The following ZNF521 variants were observed in gnomAD, a reference collection of about 807,000 sequenced individuals.
ZNF521 encodes LYST-interacting protein 3.
In ZNF521, 14 loss-of-function variants were observed where a neutral mutation model predicts 105.5. The ratio of observed to expected loss-of-function variants is 0.13; its 90% CI spans 0.09 to 0.21. ZNF521 has a LOEUF of 0.21. Among genes scored for constraint, ZNF521 ranks in the 10% least tolerant of loss-of-function variants. The probability of loss-of-function intolerance (pLI) is 1.00; values close to 1 mark genes in which losing one functional copy is unlikely to be tolerated. For synonymous variants in ZNF521, 635 were observed against 606.0 expected (o/e 1.05, Z -0.70); for missense variants, 1,233 against 1,629.7 (o/e 0.76, Z 4.19).
intron 5 of ZNF521, among the ~76,000 whole-genome samples, chr18:25,111,020 C>A (rs1049172685): frequency 3.3e-5 from 5 of 152,040 alleles, no homozygotes; most frequent in African/African-American, 9.7e-5. Flanking sequence ...TCCTCAGCCT[C>A]CCGAAGTGCT....
intron 5 of ZNF521, among the ~76,000 whole-genome samples, chr18:25,193,903 A>C (rs944228928): frequency 6.6e-6 from 1 of 151,928 alleles, no homozygotes; most frequent in African/African-American, 2.4e-5. Flanking sequence ...TTAGTCATTT[A>C]TAAGCAACAA....
At chr18:25,351,067 TCGCTCCGCGCTC>T (rs1914733789) in intron 1 of ZNF521, 120 bp from the exon 2 acceptor site, 2 of 614,980 alleles carry the variant, frequency 3.3e-6, no homozygotes, top group Non-Finnish European at 4.4e-6. Context: ...CCTCGCGCCC[TCGCTCCGCGCTC>T]CGCTCCTCGC....
At chr18:25,163,444 A>C (rs1338762045) in intron 5 of ZNF521, among the ~76,000 whole-genome samples, 1 of 152,164 alleles carries the variant, frequency 6.6e-6, no homozygotes, top group Non-Finnish European at 1.5e-5. Context: ...CCTTTTTAGC[A>C]CCGTGCTATT....
chr18:25,231,739 T>C (rs1343490987), intron 3 of ZNF521, among the ~76,000 whole-genome samples: 1 of 152,216 alleles, frequency 6.6e-6, no homozygotes, highest in Non-Finnish European at 1.5e-5. Flanking sequence ...TAGACTAATG[T>C]TAATGCTTAC....
chr18:25,147,588 T>G (rs1414901536), intron 5 of ZNF521, among the ~76,000 whole-genome samples: 1 of 152,172 alleles, frequency 6.6e-6, no homozygotes, highest in African/African-American at 2.4e-5. Flanking sequence ...CCAGACCAAT[T>G]TATTTAATAT....
chr18:25,105,624 T>C (rs2034057001), intron 5 of ZNF521, among the ~76,000 whole-genome samples: 1 of 152,176 alleles, frequency 6.6e-6, no homozygotes, highest in African/African-American at 2.4e-5. Context: ...TCTCAATTAA[T>C]CTGCTCAATA....
At chr18:25,210,081 A>T (rs2036151948) in intron 4 of ZNF521, among the ~76,000 whole-genome samples, 1 of 152,182 alleles carries the variant, frequency 6.6e-6, no homozygotes, top group African/African-American at 2.4e-5. Context: ...ATGTATACAT[A>T]ATACATACAT....
At chr18:25,345,352 C>G (rs1425937376) in intron 2 of ZNF521, 3 of 152,048 alleles carry the variant, frequency 2.0e-5, no homozygotes, top group African/African-American at 7.2e-5. Flanking sequence ...AATACTCTGG[C>G]AAAACAAAAA....
rs148466942 is a variant in ZNF521 at position 25,246,044 on chromosome 18, G to A, written c.221-18347C>T. On this transcript the variant is annotated intron_variant, in intron 3 of 7. Transcript: ENST00000361524. Reference sequence around the variant, plus strand: ...ACAGCCAAACATGCTAACCGATTGCGCCACAGGAACATCACACACAAGGGC... The same window carrying A: ...ACAGCCAAACATGCTAACCGATTGCACCACAGGAACATCACACACAAGGGC... 1.4e-3 allele frequency among the ~76,000 whole-genome samples: 209 copies of A among 151,914 alleles called. 8 individuals are homozygous for A. The East Asian group carries it at 0.025, about 18-fold the overall frequency.
chr18:25,091,742 A>C (rs1287647833), intron 6 of ZNF521, among the ~76,000 whole-genome samples: 2 of 152,220 alleles, frequency 1.3e-5, no homozygotes, highest in African/African-American at 4.8e-5. Flanking sequence ...GCCTTTGTTC[A>C]TCCTGACAGT....
Position 25,155,101 on chromosome 18 carries a change from T to G in ZNF521, c.3658+40059A>C, listed in dbSNP as rs184507129. On this transcript the variant is annotated intron_variant, in intron 5 of 7. Coordinates refer to ENST00000361524, the MANE Select transcript of ZNF521 (RefSeq NM_015461.3). ...CTATCCTACCAGGTGTGAGGTGATA[T>G]CTCATAGTGGTTTTGATTTGCATTT... Among the ~76,000 whole-genome samples, 37 of 152,268 alleles carry G rather than the reference T, an allele frequency of 2.4e-4. No homozygotes were observed. In the East Asian group the frequency reaches 5.0e-3, roughly 21 times the overall value.
chr18:25,263,334 A>G (rs961403708), intron 3 of ZNF521, among the ~76,000 whole-genome samples: 1 of 152,132 alleles, frequency 6.6e-6, no homozygotes, highest in Non-Finnish European at 1.5e-5. Context: ...TGATGAAAAA[A>G]AAAAGTTAGG....
At chr18:25,116,489 C>T (rs759387712) in intron 5 of ZNF521, among the ~76,000 whole-genome samples, 20 of 152,094 alleles carry the variant, frequency 1.3e-4, no homozygotes, top group Non-Finnish European at 2.4e-4. Flanking sequence ...ATTAAATCTC[C>T]ACATTCTCTA....
At chr18:25,275,979 C>T (rs955313838) in intron 3 of ZNF521, among the ~76,000 whole-genome samples, 6 of 152,138 alleles carry the variant, frequency 3.9e-5, no homozygotes, top group African/African-American at 9.7e-5. Context: ...GTTTGGCAAT[C>T]GGCCACCGGC....
chr18:25,272,754 GC>G (rs1344354138), intron 3 of ZNF521, among the ~76,000 whole-genome samples: 2 of 151,958 alleles, frequency 1.3e-5, no homozygotes, highest in African/African-American at 2.4e-5. Flanking sequence ...ACACACCGGG[GC>G]CTGTTGTGGG....
At chr18:25,078,902 A>C (rs1426166496) in intron 7 of ZNF521, among the ~76,000 whole-genome samples, 6 of 152,194 alleles carry the variant, frequency 3.9e-5, no homozygotes, top group African/African-American at 1.4e-4. Flanking sequence ...GGGAGAGAAC[A>C]CAAAGGGATA....
chr18:25,182,227 C>A (rs2035643764), intron 5 of ZNF521, among the ~76,000 whole-genome samples: 1 of 152,080 alleles, frequency 6.6e-6, no homozygotes, highest in Non-Finnish European at 1.5e-5. Flanking sequence ...AGGAGGCAAC[C>A]CCTGTGAAGA....
intron 2 of ZNF521, among the ~76,000 whole-genome samples, chr18:25,345,557 T>C (rs1191305435): frequency 1.3e-5 from 2 of 152,224 alleles, no homozygotes; most frequent in African/African-American, 4.8e-5. Flanking sequence ...TGGAATCTTA[T>C]GAATTTGTGT....
At chr18:25,119,129 A>G (rs1200078056) in intron 5 of ZNF521, among the ~76,000 whole-genome samples, 1 of 152,190 alleles carries the variant, frequency 6.6e-6, no homozygotes, top group Non-Finnish European at 1.5e-5. Flanking sequence ...CGGACAGAAT[A>G]TAATGAAAAA....
Sources: allele counts gnomAD v4.1 joint callset (sites outside exome capture counted in the v4.1 genomes callset), GRCh38; gene constraint gnomAD v4.1.1; transcripts MANE v1.5; gene names NCBI Gene and HGNC (gene_info 2026-07-23, HGNC 2026-07-21).